Variants in GRIA1 observed in about 807,000 individuals in gnomAD.
GRIA1 encodes glutamate ionotropic receptor AMPA type subunit 1.
In GRIA1, 31 loss-of-function variants were observed where a neutral mutation model predicts 99.2. That is an observed-to-expected ratio of 0.31 (90% confidence interval 0.23 to 0.42). The LOEUF is 0.42. Ranked by LOEUF, GRIA1 falls within the 10% of genes least tolerant of loss-of-function variation. The pLI is 1.00. For missense variants in GRIA1, 782 were observed against 1,157.5 expected, an observed-to-expected ratio of 0.68 and a Z score of 4.71; for synonymous variants, 438 against 432.4, an observed-to-expected ratio of 1.01 and a Z score of -0.16.
At chr5:153,735,318 C>G (rs533485134) in intron 11 of GRIA1, among the ~76,000 whole-genome samples, 2 of 152,276 alleles carry the variant, frequency 1.3e-5, no homozygotes, top group East Asian at 3.9e-4. Context: ...CCAAGCTCCC[C>G]AAGTGAGCAA....
intron 7 of GRIA1, among the ~76,000 whole-genome samples, chr5:153,684,951 ACACACACACATG>A (rs1468829832): frequency 6.6e-6 from 1 of 152,156 alleles, no homozygotes; most frequent in African/African-American, 2.4e-5. Flanking sequence ...CGAAACAGGA[ACACACACACATG>A]CACACACACA....
At chr5:153,596,357 T>C (rs1764430316) in intron 2 of GRIA1, among the ~76,000 whole-genome samples, 1 of 152,248 alleles carries the variant, frequency 6.6e-6, no homozygotes, top group Non-Finnish European at 1.5e-5. Context: ...TGTCCACATG[T>C]ACATTTCAAA....
intron 2 of GRIA1, among the ~76,000 whole-genome samples, chr5:153,635,464 G>A (rs1161225820): frequency 6.6e-6 from 1 of 152,162 alleles, no homozygotes; most frequent in African/African-American, 2.4e-5. Context: ...GTTCCCAAAG[G>A]CTGCACAAAG....
At chr5:153,547,794 G>A (rs993538349) in intron 2 of GRIA1, among the ~76,000 whole-genome samples, 1 of 152,156 alleles carries the variant, frequency 6.6e-6, no homozygotes, top group Non-Finnish European at 1.5e-5. Flanking sequence ...CTGGAAGGAT[G>A]TTATCACAGT....
At chr5:153,494,715 G>A (rs1047092899) in intron 2 of GRIA1, among the ~76,000 whole-genome samples, 1 of 152,176 alleles carries the variant, frequency 6.6e-6, no homozygotes, top group African/African-American at 2.4e-5. Flanking sequence ...ATTGTAAAAT[G>A]TGGGCAACAA....
rs147473045 is a variant in GRIA1, at chr5:153,698,901, A to G, written c.1280A>G (p.Asn427Ser). The stretch of plus-strand genomic sequence containing the variant: ...TATGTGATGCTCAAGAAGAACGCCA[A>G]TCAGTTTGAGGGCAATGACCGTTAC... ...DPYVMLKKNA[N>S]QFEGNDRYEG... Residue 427 changes from asparagine (N) to serine (S), a missense_variant, in exon 10 of 16, where the codon AAT (asparagine) becomes AGT (serine). Asn to Ser is a conservative substitution (Grantham distance 46, BLOSUM62 1). Around this residue, in one of 5 missense-constraint regions of GRIA1, gnomAD observed 87 missense variants for 184.5 expected, o/e 0.47. Coordinates refer to ENST00000285900, the MANE Select transcript of GRIA1 (RefSeq NM_000827.4). 15 of 1,613,624 alleles carry G rather than the reference A, an allele frequency of 9.3e-6. No homozygotes were observed. The African/African-American group carries it at 1.7e-4, about 19-fold the overall frequency.
chr5:153,791,299 G>T (rs1298577645), intron 13 of GRIA1, among the ~76,000 whole-genome samples: 2 of 151,050 alleles, frequency 1.3e-5, no homozygotes, highest in East Asian at 1.9e-4. Flanking sequence ...TAATAGAAAA[G>T]AAAAGAAAAA....
At chr5:153,765,336 T>G (rs897106029) in intron 12 of GRIA1, among the ~76,000 whole-genome samples, 3 of 152,098 alleles carry the variant, frequency 2.0e-5, no homozygotes, top group Non-Finnish European at 4.4e-5. Context: ...AATGTCTATA[T>G]CAGAGCTTAA....
intron 2 of GRIA1, among the ~76,000 whole-genome samples, chr5:153,542,813 A>G (rs1759247214): frequency 6.6e-6 from 1 of 152,076 alleles, no homozygotes; most frequent in South Asian, 2.1e-4. Context: ...ATGTCCTTCC[A>G]TAGTGCCTTT....
At chr5:153,693,144 A>T (rs1757877619) in intron 8 of GRIA1, among the ~76,000 whole-genome samples, 1 of 152,114 alleles carries the variant, frequency 6.6e-6, no homozygotes, top group African/African-American at 2.4e-5. Flanking sequence ...TCCACTGTCT[A>T]CTTGGGTCTT....
At position 153,677,180 on chromosome 5, in the gene GRIA1, G is replaced by T. The variant is rs888505854; in HGVS notation, c.1029+19G>T. 1.4e-6 allele frequency: 2 copies of T among 1,424,826 alleles called. No individual in the cohort carries two copies. The highest frequency in any genetic ancestry group is 1.7e-5 in the South Asian group (1 of 60,584). The allele number at this position is 1,424,826 out of a possible 1,614,324, so 88.3% of individuals were successfully genotyped here. On this transcript the variant is annotated intron_variant, in intron 7 of 15. Coordinates refer to ENST00000285900, the MANE Select transcript of GRIA1 (RefSeq NM_000827.4). Reference sequence around the variant, plus strand: ...GCAGCAGGTAAGACCACCAATGTTTGCCCCATCTCATAGGAGCCTACTGGG... The same window carrying T: ...GCAGCAGGTAAGACCACCAATGTTTTCCCCATCTCATAGGAGCCTACTGGG...
chr5:153,808,116 A>G (rs1214977745), intron 15 of GRIA1, among the ~76,000 whole-genome samples: 1 of 152,220 alleles, frequency 6.6e-6, no homozygotes, highest in African/African-American at 2.4e-5. Context: ...GCAGAGGCTG[A>G]GCACTCTCTT....
At position 153,585,713 on chromosome 5, in the gene GRIA1, A is replaced by T. The variant is rs139570894; in HGVS notation, c.221-61215A>T. Among the ~76,000 whole-genome samples, 531 of 152,242 alleles carry T rather than the reference A, an allele frequency of 3.5e-3. 1 individual carries two copies. The highest frequency in any genetic ancestry group is 5.8e-3 in the Non-Finnish European group (396 of 68,022). ...CTTTGGACCTTTGAATCACCTGTCC[A>T]TGCTGACTAGATTCCTCTTCCCGTC... On this transcript the variant is annotated intron_variant, in intron 2 of 15. Transcript: ENST00000285900.
chr5:153,491,231 C>T (rs1163467144), intron 1 of GRIA1: 1 of 1,315,698 alleles, frequency 7.6e-7, no homozygotes, highest in Non-Finnish European at 9.7e-7. Context: ...AATGGAGGAA[C>T]CATCGCTTTG....
At chr5:153,738,571 T>C (rs1262945028) in intron 11 of GRIA1, among the ~76,000 whole-genome samples, 1 of 152,144 alleles carries the variant, frequency 6.6e-6, no homozygotes, top group Admixed American at 6.5e-5. Context: ...CCTCACCCCC[T>C]GCATCCAATC....
intron 5 of GRIA1, among the ~76,000 whole-genome samples, chr5:153,665,552 T>G (rs1215617017): frequency 1.3e-5 from 2 of 152,202 alleles, no homozygotes; most frequent in East Asian, 3.9e-4. Flanking sequence ...GTGAAGACTT[T>G]TATGCAGAGA....
intron 4 of GRIA1, among the ~76,000 whole-genome samples, chr5:153,654,999 G>A (rs1479767933): frequency 6.6e-6 from 1 of 152,122 alleles, no homozygotes; most frequent in Non-Finnish European, 1.5e-5. Flanking sequence ...CTGCATTTTG[G>A]GATAAAAGGG....
intron 11 of GRIA1, among the ~76,000 whole-genome samples, chr5:153,761,636 A>AC (rs1349566198): frequency 6.6e-6 from 1 of 152,166 alleles, no homozygotes; most frequent in Non-Finnish European, 1.5e-5. Flanking sequence ...GAATAAAACT[A>AC]CCATATGATT....
Position 153,686,213 on chromosome 5 carries a change from T to C in GRIA1, c.1030-12T>C. On this transcript the variant is annotated splice_polypyrimidine_tract_variant and intron_variant, in intron 7 of 15. Coordinates refer to ENST00000285900, the MANE Select transcript of GRIA1 (RefSeq NM_000827.4). ...CTGAGTTCACTGCCCACCACTTGGT[T>C]TTGTTTTCCAGGTGCGATTTGAAGG... 6.2e-7 allele frequency: 1 copy of C among 1,607,554 alleles called. No homozygotes were observed. The highest frequency in any genetic ancestry group is 8.5e-7 in the Non-Finnish European group (1 of 1,174,090).
Sources: gnomAD v4.1 joint callset for allele counts (sites outside exome capture counted in the v4.1 genomes callset) on GRCh38, gnomAD v4.1.1 for gene constraint, gnomAD v4.1.1 regional missense constraint, MANE v1.5 for transcripts, NCBI Gene and HGNC (gene_info 2026-07-23, HGNC 2026-07-21) for gene names.